NRK: variants seen among roughly 807,000 people sequenced by gnomAD.
NRK encodes Nik related kinase.
In NRK, 67 loss-of-function variants were observed where a neutral mutation model predicts 125.2. The ratio of observed to expected loss-of-function variants is 0.54; its 90% CI spans 0.44 to 0.66. NRK has a LOEUF of 0.66. NRK is among the 30% of genes least tolerant of loss of function. The pLI is 0.00. For missense variants in NRK, 1,224 were observed against 1,192.9 expected, an observed-to-expected ratio of 1.03 and a Z score of -0.38; for synonymous variants, 458 against 429.0, an observed-to-expected ratio of 1.07 and a Z score of -0.84.
chrX:105,925,095 A>G (rs2040506522), intron 19 of NRK, 64 bp downstream of exon 19: 5 of 842,597 alleles, frequency 5.9e-6, no homozygotes, highest in Non-Finnish European at 6.9e-6. Context: ...TTCATGGGAC[A>G]TGTAGCATTT....
At chrX:105,921,832 C>A in intron 16 of NRK, 132 bp from the exon 17 acceptor site, 1 of 374,609 alleles carries the variant, frequency 2.7e-6, no homozygotes, top group Non-Finnish European at 4.6e-6. Flanking sequence ...GTGATACTTC[C>A]TGAATGGAAT....
Position 105,846,723 on chromosome X carries a change from C to T in NRK, c.123+15604C>T, listed in dbSNP as rs753818852. 1.2e-3 allele frequency among the ~76,000 whole-genome samples: 137 copies of T among 111,669 alleles called. 1 individual carries two copies. Among genetic ancestry groups the T allele is most frequent in the Non-Finnish European group, 1.4e-3 (74 of 53,058 alleles). On this transcript the variant is annotated intron_variant, in intron 2 of 28. Transcript: ENST00000243300. The stretch of plus-strand genomic sequence containing the variant: ...CATTTGCTGTACCTTCTACCATCAT[C>T]AACTCTCTTTCTAGTTCTTCAGGAA...
intron 19 of NRK, among the ~76,000 whole-genome samples, chrX:105,929,433 T>C (rs1017364797): frequency 9.0e-6 from 1 of 111,290 alleles, no homozygotes; most frequent in African/African-American, 3.3e-5. Flanking sequence ...TTTTTATTTT[T>C]TTATTTTTAT....
chrX:105,906,599 G>A lies in NRK; in HGVS notation c.1021+10G>A, dbSNP rs756249381. On this transcript the variant is annotated intron_variant, in intron 11 of 28. Transcript: ENST00000243300. The stretch of plus-strand genomic sequence containing the variant: ...AAAAGACAGAAAAAAGGTAGAATCT[G>A]TTAAGTTTTATTTTACTGAAATGAA... The A allele has an allele frequency of 5.3e-6, 5 of 945,304 alleles. No individual in the cohort carries two copies. The highest frequency in any genetic ancestry group is 5.7e-6 in the Non-Finnish European group (4 of 700,453). The allele number at this position is 945,304 out of a possible 1,213,427, so 77.9% of individuals were successfully genotyped here.
In NRK at chrX:105,923,171, C is replaced by T. The variant is rs762097483; in HGVS notation, c.2664C>T (p.Asn888=). ...GKISPPVYLT[N]EWVGYNALSE... is the part of the protein sequence containing the mutation. ...TATCACCCCCTGTATACTTGACAAA[C>T]GAATGGGTAGGCTATAATGCACTCT... The change falls in exon 18 of 29, where the codon AAC becomes AAT. Residue 888 remains asparagine, a synonymous_variant. Coordinates refer to ENST00000243300, the MANE Select transcript of NRK (RefSeq NM_198465.4). 9.2e-6 allele frequency: 11 copies of T among 1,201,001 alleles called. No homozygotes were observed. Among genetic ancestry groups the T allele is most frequent in the Middle Eastern group, 4.6e-4 (2 of 4,322 alleles).
At chrX:105,888,148 C>A (rs2039971473) in intron 4 of NRK, 146 bp from the exon 5 acceptor site, 3 of 439,056 alleles carry the variant, frequency 6.8e-6, no homozygotes, top group Non-Finnish European at 7.4e-6. Flanking sequence ...CATTCACTGA[C>A]CATTTTAGTT....
At chrX:105,836,951 G>A (rs891179158) in intron 2 of NRK, among the ~76,000 whole-genome samples, 1 of 112,205 alleles carries the variant, frequency 8.9e-6, no homozygotes, top group African/African-American at 3.2e-5. Context: ...CATCATTATT[G>A]TTGCTATTAT....
chrX:105,946,121 A>G (rs2040809638), intron 25 of NRK, 106 bp downstream of exon 25: 1 of 873,429 alleles, frequency 1.1e-6, no homozygotes, highest in Admixed American at 3.6e-5. Context: ...AAGCTATTGA[A>G]CATAATTATT....
Position 105,831,630 on chromosome X carries a change from A to C in NRK, c.123+511A>C, listed in dbSNP as rs138513061. Among the ~76,000 whole-genome samples, 469 of 112,185 alleles carry C rather than the reference A, an allele frequency of 4.2e-3. 4 individuals are homozygous for C. The highest frequency in any genetic ancestry group is 5.8e-3 in the Non-Finnish European group (308 of 53,251). On this transcript the variant is annotated intron_variant, in intron 2 of 28. Transcript: ENST00000243300. ...ACACTAAGTATGTGCAGATGCTGTG[A>C]TAGTCTCTGGGAATAAAATGATGAA... is the stretch of plus-strand genomic sequence containing the variant.
At chrX:105,890,757 C>T (rs1307075989) in intron 5 of NRK, among the ~76,000 whole-genome samples, 1 of 111,624 alleles carries the variant, frequency 9.0e-6, no homozygotes, top group East Asian at 2.8e-4. Context: ...TCAATTACCT[C>T]CCACCAGGTC....
In NRK at chrX:105,864,427, T is replaced by G. The variant is rs190794011; in HGVS notation, c.124-15772T>G. On this transcript the variant is annotated intron_variant, in intron 2 of 28. Transcript: ENST00000243300. ...TCTAAATCTTTTAAAATAAAAAAAA[T>G]TAATGAACAAACTCTGAAATAATCA... 5.4e-5 allele frequency among the ~76,000 whole-genome samples: 6 copies of G among 111,582 alleles called. No homozygotes were observed. The Admixed American group carries it at 5.8e-4, about 11-fold the overall frequency.
Position 105,895,513 on chromosome X carries a change from A to G in NRK, c.570A>G (p.Glu190=), listed in dbSNP as rs1602648617. The change falls in exon 7 of 29, where the codon GAA becomes GAG. Residue 190 remains glutamate (E), a synonymous_variant. Coordinates refer to ENST00000243300, the MANE Select transcript of NRK (RefSeq NM_198465.4). ...GQNVLLTHNA[E]VKLVDFGVSA... is the part of the protein sequence containing the mutation. ...ATGTGCTGCTGACTCATAATGCTGAAGTAAAACTGGGTAAGTTTATTCTTA... is the reference window on the plus strand; with the variant it reads ...ATGTGCTGCTGACTCATAATGCTGAGGTAAAACTGGGTAAGTTTATTCTTA... 1 of 1,167,451 alleles carries G rather than the reference A, an allele frequency of 8.6e-7. No individual in the cohort carries two copies. Among genetic ancestry groups the G allele is most frequent in the Non-Finnish European group, 1.2e-6 (1 of 855,623 alleles).
intron 16 of NRK, among the ~76,000 whole-genome samples, chrX:105,917,968 A>G (rs1309969247): frequency 3.6e-5 from 4 of 111,026 alleles, no homozygotes. Flanking sequence ...CACGTAAGAA[A>G]AGTATGGTAA....
intron 2 of NRK, among the ~76,000 whole-genome samples, chrX:105,844,007 GTGTGTGTGTGTC>G (rs1201551813): frequency 2.2e-5 from 2 of 89,225 alleles, no homozygotes; most frequent in Non-Finnish European, 4.2e-5. Context: ...GTGTGTGTGT[GTGTGTGTGTGTC>G]TGTGTGTGTG....
chrX:105,909,306 A>G lies in NRK; in HGVS notation c.1665A>G (p.Ala555=). 1.7e-6 allele frequency: 2 copies of G among 1,205,368 alleles called. No individual in the cohort carries two copies. Among genetic ancestry groups the G allele is most frequent in the African/African-American group, 3.5e-5 (2 of 57,713 alleles). The change falls in exon 13 of 29, where the codon GCA becomes GCG. Residue 555 remains alanine, a synonymous_variant. Transcript: ENST00000243300. The part of the protein sequence containing the change: ...VPEQELEQNQ[A]PEQPEVQEQA... ...AACAAGAGCTGGAGCAGAACCAGGC[A>G]CCTGAACAGCCAGAGGTACAGGAAC...
At chrX:105,938,466 T>A (rs1676800673) in intron 22 of NRK, among the ~76,000 whole-genome samples, 1 of 112,181 alleles carries the variant, frequency 8.9e-6, no homozygotes, top group Admixed American at 9.5e-5. Context: ...CATGATTTTT[T>A]AAATCATGTT....
intron 14 of NRK, among the ~76,000 whole-genome samples, chrX:105,913,969 G>T (rs1056818196): frequency 3.6e-5 from 4 of 110,685 alleles, no homozygotes; most frequent in Non-Finnish European, 7.6e-5. Flanking sequence ...CGGAGTTGTA[G>T]GTTTTCTTGT....
intron 9 of NRK, 59 bp downstream of exon 9, chrX:105,900,731 A>C (rs911521158): frequency 1.4e-6 from 1 of 704,688 alleles, no homozygotes; most frequent in African/African-American, 2.1e-5. Flanking sequence ...TACAAATCAT[A>C]CAAATCTCTC....
At chrX:105,898,502 A>G (rs891203110) in intron 7 of NRK, 82 bp from the exon 8 acceptor site, 1 of 925,171 alleles carries the variant, frequency 1.1e-6, no homozygotes, top group African/African-American at 2.0e-5. Context: ...TGGCTTTTGT[A>G]TCAGCTTTCC....
Sources: allele counts gnomAD v4.1 joint callset (sites outside exome capture counted in the v4.1 genomes callset), GRCh38; gene constraint gnomAD v4.1.1; transcripts MANE v1.5; gene names NCBI Gene and HGNC (gene_info 2026-07-23, HGNC 2026-07-21).